FBXL4: variants seen among roughly 807,000 people sequenced by gnomAD.
FBXL4 encodes the protein F-box/LRR-repeat protein 4.
Under a neutral mutation model 58.9 loss-of-function variants are expected in FBXL4, and 40 were observed. The observed-to-expected ratio is 0.68, with a 90% CI of 0.53 to 0.88. The LOEUF (loss-of-function observed/expected upper bound fraction) is 0.88, where lower values mean the gene tolerates loss of function less well. Ranked by LOEUF, FBXL4 falls within the 40% of genes least tolerant of loss-of-function variation. The pLI is 0.00. For missense variants in FBXL4, 676 were observed against 734.4 expected (o/e 0.92, Z 0.92); for synonymous variants, 263 against 265.5 (o/e 0.99, Z 0.09).
At chr6:98,943,130 T>A (rs1050906899) in intron 1 of FBXL4, among the ~76,000 whole-genome samples, 1 of 151,386 alleles carries the variant, frequency 6.6e-6, no homozygotes, top group Non-Finnish European at 1.5e-5. Context: ...AGTATAATAT[T>A]GTACTGTAGT....
chr6:98,943,867 G>C (rs1773524935), intron 1 of FBXL4, among the ~76,000 whole-genome samples: 1 of 152,132 alleles, frequency 6.6e-6, no homozygotes, highest in Non-Finnish European at 1.5e-5. Flanking sequence ...TATTCTTTAA[G>C]ATAAAATCCA....
chr6:98,873,815 C>T lies in FBXL4; in HGVS notation c.*463G>A, dbSNP rs1227885463. 1 of 152,402 alleles carries T rather than the reference C, an allele frequency of 6.6e-6. No homozygotes were observed. The highest frequency in any genetic ancestry group is 2.4e-5 in the African/African-American group (1 of 41,454). 9.4% of individuals were successfully genotyped at this position (152,402 alleles called of 1,614,324 possible). ...AGAAATAACCAAACAGCTGGAAAAG[C>T]ATGTCTCATTCTCCAACTAGCTCTG... On this transcript the variant is annotated 3_prime_UTR_variant, in exon 10 of 10. Coordinates refer to ENST00000369244, the MANE Select transcript of FBXL4 (RefSeq NM_001278716.2).
chr6:98,898,730 A>G (rs944090651), intron 7 of FBXL4: 2 of 982,776 alleles, frequency 2.0e-6, no homozygotes, highest in African/African-American at 1.7e-5. Context: ...TATAACATAC[A>G]CTATTACAGT....
intron 5 of FBXL4, among the ~76,000 whole-genome samples, chr6:98,912,435 G>A (rs1337006580): frequency 6.6e-6 from 1 of 152,120 alleles, no homozygotes; most frequent in African/African-American, 2.4e-5. Flanking sequence ...AGAAAGGTCG[G>A]GTTACCCACC....
chr6:98,871,331 G>C lies in FBXL4; in HGVS notation c.*2947C>G, dbSNP rs1770485868. 1 of 152,230 alleles carries C rather than the reference G, an allele frequency of 6.6e-6. No individual in the cohort carries two copies. Among genetic ancestry groups the C allele is most frequent in the African/African-American group, 2.4e-5 (1 of 41,460 alleles). The allele number at this position is 152,230 out of a possible 1,614,324, so 9.4% of individuals were successfully genotyped here. On this transcript the variant is annotated 3_prime_UTR_variant, in exon 10 of 10. Transcript: ENST00000369244. ...TAAAAAACAAGGCAAATGACCCTGA[G>C]TGGTTTTCCTTGGCTCTTGATGAGT... is the stretch of plus-strand genomic sequence containing the variant.
At chr6:98,889,188 G>A (rs556898754) in intron 7 of FBXL4, among the ~76,000 whole-genome samples, 100 of 152,312 alleles carry the variant, frequency 6.6e-4, no homozygotes, top group African/African-American at 2.4e-3. Flanking sequence ...CAACTGTAAA[G>A]CATGCTTATA....
intron 1 of FBXL4, among the ~76,000 whole-genome samples, chr6:98,940,041 G>C (rs174446): frequency 0.69 from 104,900 of 152,158 alleles, 37,034 homozygotes; most frequent in African/African-American, 0.85. Flanking sequence ...ACATTTCTCT[G>C]AACTGCAAAT....
chr6:98,900,953 T>G (rs1016679340), intron 6 of FBXL4, among the ~76,000 whole-genome samples: 2 of 152,148 alleles, frequency 1.3e-5, no homozygotes, highest in African/African-American at 4.8e-5. Context: ...TTAGCTAAAC[T>G]GCAGTCTACA....
chr6:98,902,793 G>C (rs1490722812), intron 6 of FBXL4, among the ~76,000 whole-genome samples: 2 of 152,052 alleles, frequency 1.3e-5, no homozygotes, highest in African/African-American at 2.4e-5. Flanking sequence ...TAAGACTTTG[G>C]GGAACCATAC....
intron 1 of FBXL4, among the ~76,000 whole-genome samples, chr6:98,945,192 A>T (rs1003569222): frequency 3.3e-5 from 5 of 152,250 alleles, no homozygotes; most frequent in African/African-American, 1.2e-4. Flanking sequence ...ACATGACAGT[A>T]TACAGAATAA....
intron 7 of FBXL4, chr6:98,896,882 C>T (rs1771429487): frequency 2.0e-6 from 2 of 984,810 alleles, no homozygotes; most frequent in Non-Finnish European, 2.4e-6. Context: ...TCTTAATCCT[C>T]ATAAATCACA....
chr6:98,877,264 T>C (rs769041411), intron 8 of FBXL4, among the ~76,000 whole-genome samples: 3 of 152,114 alleles, frequency 2.0e-5, no homozygotes, highest in Non-Finnish European at 2.9e-5. Flanking sequence ...TACGTGAGTA[T>C]ACCTGAACAA....
At chr6:98,929,064 A>C (rs926944049) in intron 2 of FBXL4, among the ~76,000 whole-genome samples, 1 of 152,226 alleles carries the variant, frequency 6.6e-6, no homozygotes, top group Admixed American at 6.5e-5. Flanking sequence ...CACAGTACAT[A>C]ATAGGCACAA....
At chr6:98,910,983 C>A (rs998115132) in intron 5 of FBXL4, among the ~76,000 whole-genome samples, 1 of 152,176 alleles carries the variant, frequency 6.6e-6, no homozygotes, top group South Asian at 2.1e-4. Flanking sequence ...CCAAATACTG[C>A]GCTTTTCCGA....
rs1411417612 is a variant in FBXL4 at position 98,872,588 on chromosome 6, T to A, written c.*1690A>T. ...GTTTTGAATTTTGTCAATAAAATTT[T>A]CGTGCAAATTTTATTTCTCTCTAGT... On this transcript the variant is annotated 3_prime_UTR_variant, in exon 10 of 10. Coordinates refer to ENST00000369244, the MANE Select transcript of FBXL4 (RefSeq NM_001278716.2). The A allele has an allele frequency of 2.0e-5, 3 of 152,228 alleles. No homozygotes were observed. The highest frequency in any genetic ancestry group is 7.2e-5 in the African/African-American group (3 of 41,462). The allele number at this position is 152,228 out of a possible 1,614,324, so 9.4% of individuals were successfully genotyped here.
At chr6:98,910,238 A>C (rs1771983653) in intron 5 of FBXL4, among the ~76,000 whole-genome samples, 1 of 152,214 alleles carries the variant, frequency 6.6e-6, no homozygotes. Context: ...TTTTCATGTC[A>C]CACAGCCCTA....
intron 6 of FBXL4, among the ~76,000 whole-genome samples, chr6:98,904,872 G>A (rs1394125573): frequency 6.6e-6 from 1 of 152,172 alleles, no homozygotes; most frequent in African/African-American, 2.4e-5. Flanking sequence ...TAATAGTAAG[G>A]AAACTAAATG....
intron 2 of FBXL4, among the ~76,000 whole-genome samples, chr6:98,930,617 T>A (rs1467195173): frequency 6.6e-6 from 1 of 152,116 alleles, no homozygotes; most frequent in Admixed American, 6.6e-5. Flanking sequence ...TATAAATTTG[T>A]CAAATTAAAA....
chr6:98,891,411 A>C (rs896288488), intron 7 of FBXL4, among the ~76,000 whole-genome samples: 1 of 152,162 alleles, frequency 6.6e-6, no homozygotes, highest in African/African-American at 2.4e-5. Context: ...TGTGTGATGA[A>C]ACAAAATCTA....
Sources: gnomAD v4.1 joint callset for allele counts (sites outside exome capture counted in the v4.1 genomes callset) on GRCh38, gnomAD v4.1.1 for gene constraint, MANE v1.5 for transcripts, NCBI Gene and HGNC (gene_info 2026-07-23, HGNC 2026-07-21) for gene names.